Variants in AK3 observed in about 807,000 individuals in gnomAD.
AK3 encodes the protein GTP:AMP phosphotransferase AK3, mitochondrial.
AK3 carries 27 observed loss-of-function variants against 23.7 expected under a neutral mutation model. The observed-to-expected ratio is 1.14, with a 90% CI of 0.84 to 1.57. The LOEUF is 1.57. AK3 is among the 40% of genes most tolerant of loss of function. AK3 has a pLI of 0.00. For missense variants in AK3, 406 were observed against 285.6 expected (o/e 1.42, Z -3.04); for synonymous variants, 159 against 116.0 (o/e 1.37, Z -2.38).
intron 1 of AK3, among the ~76,000 whole-genome samples, chr9:4,731,706 AC>A (rs1369108764): frequency 6.6e-6 from 1 of 152,136 alleles, no homozygotes; most frequent in African/African-American, 2.4e-5. Context: ...GATATGGTAA[AC>A]TTTTATCCAT....
chr9:4,715,231 A>G (rs530886369), intron 4 of AK3, among the ~76,000 whole-genome samples: 1 of 151,118 alleles, frequency 6.6e-6, no homozygotes, highest in Admixed American at 6.6e-5. Flanking sequence ...AAAAAAAAAA[A>G]AAAAAGAAAG....
intron 1 of AK3, 95 bp from the exon 2 acceptor site, chr9:4,722,720 G>T: frequency 6.6e-7 from 1 of 1,524,604 alleles, no homozygotes; most frequent in Non-Finnish European, 8.9e-7. Context: ...AGTCTGAATG[G>T]CATACTCATC....
chr9:4,728,850 T>TACACACACAC (rs772699346), intron 1 of AK3, among the ~76,000 whole-genome samples: 535 of 23,416 alleles, frequency 0.023, 6 homozygotes, highest in African/African-American at 0.048. Flanking sequence ...TATATATATA[T>TACACACACAC]ATATATATAT....
chr9:4,721,070 A>G (rs991302735), intron 2 of AK3, among the ~76,000 whole-genome samples: 6 of 152,166 alleles, frequency 3.9e-5, no homozygotes, highest in Non-Finnish European at 7.3e-5. Context: ...TTTTAAAACA[A>G]AATTTTGAAT....
intron 2 of AK3, among the ~76,000 whole-genome samples, chr9:4,720,519 A>G (rs77848577): frequency 0.025 from 3,753 of 152,120 alleles, 161 homozygotes; most frequent in African/African-American, 0.086. Context: ...CCCCTTCTCT[A>G]TAAATAACAA....
chr9:4,713,647 A>C (rs2130867241), intron 4 of AK3, among the ~76,000 whole-genome samples: 1 of 152,256 alleles, frequency 6.6e-6, no homozygotes, highest in Non-Finnish European at 1.5e-5. Flanking sequence ...TCTGAATATT[A>C]ACAGAAAGGG....
chr9:4,732,344 G>C (rs1034889927), intron 1 of AK3, among the ~76,000 whole-genome samples: 2 of 152,154 alleles, frequency 1.3e-5, no homozygotes, highest in Admixed American at 1.3e-4. Context: ...TGAATCAATT[G>C]TGTATGCTAT....
At chr9:4,722,664 G>A in intron 1 of AK3, 39 bp from the exon 2 acceptor site, 2 of 1,613,410 alleles carry the variant, frequency 1.2e-6, no homozygotes, top group Admixed American at 1.7e-5. Flanking sequence ...AAGTGCATTT[G>A]TTTTATCCCA....
intron 1 of AK3, among the ~76,000 whole-genome samples, chr9:4,740,714 C>T (rs542521812): frequency 5.3e-5 from 8 of 152,326 alleles, no homozygotes; most frequent in African/African-American, 1.9e-4. Context: ...CCTAACTTTC[C>T]AGTCCCTTCC....
At chr9:4,730,903 A>T (rs1842137772) in intron 1 of AK3, among the ~76,000 whole-genome samples, 2 of 152,114 alleles carry the variant, frequency 1.3e-5, no homozygotes, top group Admixed American at 1.3e-4. Flanking sequence ...ACTGAATGGA[A>T]GTTACATGAG....
At chr9:4,721,092 C>T (rs1241243961) in intron 2 of AK3, among the ~76,000 whole-genome samples, 1 of 152,128 alleles carries the variant, frequency 6.6e-6, no homozygotes, top group Non-Finnish European at 1.5e-5. Context: ...CTGAACCATG[C>T]AACATATTTT....
chr9:4,735,428 TATATATATACATATATAA>T (rs1563798571), intron 1 of AK3, among the ~76,000 whole-genome samples: 2 of 107,750 alleles, frequency 1.9e-5, no homozygotes, highest in Admixed American at 1.1e-4. Context: ...CATATATAAA[TATATATATACATATATAA>T]ATATATACAT....
intron 1 of AK3, among the ~76,000 whole-genome samples, chr9:4,724,948 G>T (rs1407072103): frequency 2.0e-5 from 3 of 151,388 alleles, no homozygotes; most frequent in African/African-American, 7.3e-5. Context: ...AATGAAGTTA[G>T]ACCTCTACCA....
At chr9:4,714,469 C>A (rs1841666340) in intron 4 of AK3, among the ~76,000 whole-genome samples, 1 of 152,196 alleles carries the variant, frequency 6.6e-6, no homozygotes, top group Non-Finnish European at 1.5e-5. Context: ...GCAAATACAG[C>A]ATTCTTGGGA....
intron 3 of AK3, 140 bp downstream of exon 3, chr9:4,718,995 G>T (rs1049875612): frequency 4.2e-6 from 4 of 945,894 alleles, no homozygotes; most frequent in Non-Finnish European, 1.6e-6. Context: ...GACTTGATCA[G>T]TCAACTCTAC....
At position 4,737,423 on chromosome 9, in the gene AK3, TCAAG is replaced by T. The variant is rs1842322610; in HGVS notation, c.151+3510_151+3513del. On this transcript the variant is annotated intron_variant, in intron 1 of 4. Coordinates refer to ENST00000381809, the MANE Select transcript of AK3 (RefSeq NM_016282.4). The stretch of plus-strand genomic sequence containing the variant: ...ATCCCCCAATAAATACTGTTTACTA[TCAAG>T]CAAGTTCTCCTGAACTCAGTCTCCT... Among the ~76,000 whole-genome samples the T allele has an allele frequency of 2.0e-5, 3 of 152,182 alleles. No homozygotes were observed. In the South Asian group the frequency reaches 6.2e-4, roughly 31 times the overall value.
chr9:4,715,194 G>A (rs1841688892), intron 4 of AK3, among the ~76,000 whole-genome samples: 1 of 126,946 alleles, frequency 7.9e-6, no homozygotes, highest in Non-Finnish European at 1.6e-5. Flanking sequence ...ACTCCAACCT[G>A]AGAGAGAGTG....
intron 1 of AK3, among the ~76,000 whole-genome samples, chr9:4,729,428 C>T (rs1239616280): frequency 2.0e-5 from 3 of 152,044 alleles, no homozygotes; most frequent in Non-Finnish European, 2.9e-5. Context: ...GCCATGATCG[C>T]GCCACTGTAC....
At chr9:4,716,073 G>A (rs142376804) in intron 4 of AK3, among the ~76,000 whole-genome samples, 203 of 152,290 alleles carry the variant, frequency 1.3e-3, no homozygotes, top group African/African-American at 4.8e-3. Flanking sequence ...ACAGGACAAT[G>A]GAGCGGAGTG....
Sources: allele counts gnomAD v4.1 joint callset (sites outside exome capture counted in the v4.1 genomes callset), GRCh38; gene constraint gnomAD v4.1.1; transcripts MANE v1.5; gene names NCBI Gene and HGNC (gene_info 2026-07-23, HGNC 2026-07-21).